FTCDNL1: variants seen among roughly 807,000 people sequenced by gnomAD.
FTCDNL1 encodes formiminotransferase cyclodeaminase N-terminal like.
In FTCDNL1, 11 loss-of-function variants were observed where a neutral mutation model predicts 5.9. That is an observed-to-expected ratio of 1.87 (90% confidence interval 1.18 to 3.10). The LOEUF (loss-of-function observed/expected upper bound fraction) is 3.10, where lower values mean the gene tolerates loss of function less well. Among genes scored for constraint, FTCDNL1 ranks in the 30% most tolerant of loss-of-function variants. FTCDNL1 has a pLI of 0.00. For synonymous variants in FTCDNL1, 58 were observed against 24.8 expected, an observed-to-expected ratio of 2.34 and a Z score of -3.99; for missense variants, 115 against 65.5, an observed-to-expected ratio of 1.76 and a Z score of -2.61.
intron 3 of FTCDNL1, among the ~76,000 whole-genome samples, chr2:199,835,370 A>G (rs1451723808): frequency 6.6e-6 from 1 of 152,240 alleles, no homozygotes; most frequent in Non-Finnish European, 1.5e-5. Flanking sequence ...AGAATGAATT[A>G]TTCAACCTAT....
chr2:199,780,320 G>C (rs761892118), intron 3 of FTCDNL1, among the ~76,000 whole-genome samples: 1 of 152,140 alleles, frequency 6.6e-6, no homozygotes, highest in Non-Finnish European at 1.5e-5. Context: ...ATCCTGAGGA[G>C]GGACTCTGTT....
At chr2:199,820,996 C>T (rs1352161206) in intron 3 of FTCDNL1, among the ~76,000 whole-genome samples, 1 of 152,112 alleles carries the variant, frequency 6.6e-6, no homozygotes, top group Non-Finnish European at 1.5e-5. Context: ...GCATAGGAGA[C>T]CTTCCCAACT....
the FTCDNL1 span, among the ~76,000 whole-genome samples, chr2:199,720,762 T>C: frequency 6.6e-6 from 1 of 152,108 alleles, no homozygotes; most frequent in East Asian, 1.9e-4. Context: ...TCAAGTAAGG[T>C]CACATTCACA....
At chr2:199,826,975 G>C (rs1008254083) in intron 3 of FTCDNL1, among the ~76,000 whole-genome samples, 1 of 152,160 alleles carries the variant, frequency 6.6e-6, no homozygotes, top group Non-Finnish European at 1.5e-5. Context: ...AAATATGATT[G>C]TATTAGGCAA....
At chr2:199,842,277 A>T (rs578233770) in intron 3 of FTCDNL1, among the ~76,000 whole-genome samples, 38 of 151,878 alleles carry the variant, frequency 2.5e-4, no homozygotes, top group African/African-American at 7.2e-4. Flanking sequence ...CAAAAAATTT[A>T]AAAAAAATAA....
chr2:199,689,734 C>T, the FTCDNL1 span, among the ~76,000 whole-genome samples: 54 of 150,562 alleles, frequency 3.6e-4, no homozygotes, highest in East Asian at 1.0e-2. Context: ...TCGCTTAAAC[C>T]CAGGAGGCAG....
intron 2 of FTCDNL1, 101 bp downstream of exon 2, chr2:199,848,747 A>G: frequency 1.7e-6 from 1 of 584,446 alleles, no homozygotes; most frequent in East Asian, 2.8e-5. Flanking sequence ...ATTCAGGAAG[A>G]AAGAAAGAAA....
intron 3 of FTCDNL1, among the ~76,000 whole-genome samples, chr2:199,788,540 T>C (rs1295244952): frequency 6.6e-6 from 1 of 152,070 alleles, no homozygotes; most frequent in Non-Finnish European, 1.5e-5. Context: ...TCCTATATGA[T>C]ACAGCAAGAT....
chr2:199,668,304 T>C, the FTCDNL1 span, among the ~76,000 whole-genome samples: 2 of 151,230 alleles, frequency 1.3e-5, no homozygotes, highest in East Asian at 1.9e-4. Context: ...TTTTCATAAA[T>C]AGGAGGGAGT....
the FTCDNL1 span, among the ~76,000 whole-genome samples, chr2:199,709,910 C>T: frequency 6.6e-6 from 1 of 151,484 alleles, no homozygotes; most frequent in African/African-American, 2.4e-5. Context: ...CATAATTTGT[C>T]CCATTCATAT....
intron 3 of FTCDNL1, among the ~76,000 whole-genome samples, chr2:199,832,924 A>G (rs1401597571): frequency 6.6e-6 from 1 of 152,146 alleles, no homozygotes; most frequent in Non-Finnish European, 1.5e-5. Flanking sequence ...CAGTTGGCAA[A>G]CAAGTAGCAG....
the FTCDNL1 span, among the ~76,000 whole-genome samples, chr2:199,718,691 C>T: frequency 6.6e-6 from 1 of 152,134 alleles, no homozygotes; most frequent in African/African-American, 2.4e-5. Context: ...ATTCCCTTTA[C>T]TCTGCATCGT....
chr2:199,672,634 C>T, the FTCDNL1 span, among the ~76,000 whole-genome samples: 226 of 152,252 alleles, frequency 1.5e-3, 2 homozygotes, highest in East Asian at 0.035. Flanking sequence ...TCTTCACTCA[C>T]ATACCTGACA....
intron 3 of FTCDNL1, among the ~76,000 whole-genome samples, chr2:199,764,595 T>C (rs1698423783): frequency 6.6e-6 from 1 of 152,210 alleles, no homozygotes; most frequent in African/African-American, 2.4e-5. Flanking sequence ...CCTTATAAGT[T>C]GCTTTCTGAG....
chr2:199,700,863 C>T, the FTCDNL1 span, among the ~76,000 whole-genome samples: 1 of 152,168 alleles, frequency 6.6e-6, no homozygotes, highest in Non-Finnish European at 1.5e-5. Context: ...GGAACCCTTC[C>T]TTTCACCATA....
Position 199,802,489 on chromosome 2 carries a change from ACT to A in FTCDNL1, c.212-41656_212-41655del, listed in dbSNP as rs772473611. 5.9e-4 allele frequency among the ~76,000 whole-genome samples: 90 copies of A among 152,152 alleles called. 1 individual carries two copies. The highest frequency in any genetic ancestry group is 2.4e-4 in the Non-Finnish European group (16 of 68,040). Reference sequence around the variant, plus strand: ...TAAAAGTAAAAGAAATGACCAGGTGACTCTGCATGGTTAGCCAGCCAGGAGTT... The same window carrying A: ...TAAAAGTAAAAGAAATGACCAGGTGACTGCATGGTTAGCCAGCCAGGAGTT... On this transcript the variant is annotated intron_variant, in intron 3 of 3. Transcript: ENST00000416668.
chr2:199,672,284 C>T, the FTCDNL1 span, among the ~76,000 whole-genome samples: 1 of 152,086 alleles, frequency 6.6e-6, no homozygotes, highest in South Asian at 2.1e-4. Flanking sequence ...ATGAGAGGGT[C>T]TTTGCTTTAG....
At chr2:199,730,042 A>C in the FTCDNL1 span, among the ~76,000 whole-genome samples, 1 of 152,162 alleles carries the variant, frequency 6.6e-6, no homozygotes, top group African/African-American at 2.4e-5. Context: ...CTCAGAAATA[A>C]CACCACACAT....
At chr2:199,731,257 C>T in the FTCDNL1 span, among the ~76,000 whole-genome samples, 1 of 152,094 alleles carries the variant, frequency 6.6e-6, no homozygotes, top group Admixed American at 6.5e-5. Context: ...GGGCTTAAAA[C>T]CTAGATGATG....
Sources: gnomAD v4.1 joint callset for allele counts (sites outside exome capture counted in the v4.1 genomes callset) on GRCh38, gnomAD v4.1.1 for gene constraint, MANE v1.5 for transcripts, NCBI Gene and HGNC (gene_info 2026-07-23, HGNC 2026-07-21) for gene names.